Variants in MSH3 observed in about 807,000 individuals in gnomAD.
MSH3 encodes mutS homolog 3.
A neutral mutation model predicts 123.3 loss-of-function variants in MSH3; 106 were observed. The ratio of observed to expected loss-of-function variants is 0.86; its 90% CI spans 0.73 to 1.01. The LOEUF is 1.01. MSH3 is among the 50% of genes least tolerant of loss of function. MSH3 has a pLI of 0.00. For missense variants in MSH3, 1,459 were observed against 1,347.6 expected, an observed-to-expected ratio of 1.08 and a Z score of -1.29; for synonymous variants, 515 against 481.4, an observed-to-expected ratio of 1.07 and a Z score of -0.91.
At chr5:80,732,367 C>CT (rs561970138) in intron 10 of MSH3, among the ~76,000 whole-genome samples, 42 of 151,682 alleles carry the variant, frequency 2.8e-4, no homozygotes, top group Middle Eastern at 3.4e-3. Flanking sequence ...ACTGTAAAAC[C>CT]TTTTTTTTAA....
chr5:80,816,728 T>C (rs1365736426), intron 20 of MSH3, among the ~76,000 whole-genome samples: 2 of 152,182 alleles, frequency 1.3e-5, no homozygotes. Flanking sequence ...ATATTTGAAA[T>C]ATATTTGGGA....
chr5:80,729,968 CAAG>C (rs1743382382), intron 10 of MSH3, among the ~76,000 whole-genome samples: 1 of 152,052 alleles, frequency 6.6e-6, no homozygotes, highest in Non-Finnish European at 1.5e-5. Context: ...AACTAGGAAA[CAAG>C]GAGGTGGTGC....
At chr5:80,823,875 G>A (rs1193299472) in intron 20 of MSH3, among the ~76,000 whole-genome samples, 34 of 152,142 alleles carry the variant, frequency 2.2e-4, no homozygotes, top group Non-Finnish European at 1.5e-5. Context: ...CTGGGTACTT[G>A]AGATTAGGGA....
chr5:80,856,495 G>A (rs1267372231), intron 21 of MSH3, among the ~76,000 whole-genome samples: 1 of 134,988 alleles, frequency 7.4e-6, no homozygotes, highest in Non-Finnish European at 1.5e-5. Flanking sequence ...GGTGGGAGTT[G>A]AACAATGAGA....
chr5:80,682,624 G>A (rs748672070), intron 8 of MSH3, among the ~76,000 whole-genome samples: 54 of 152,044 alleles, frequency 3.6e-4, no homozygotes, highest in Non-Finnish European at 6.8e-4. Flanking sequence ...ATATATTTAT[G>A]GGTTACATGA....
chr5:80,808,259 C>T (rs1744933885), intron 19 of MSH3, among the ~76,000 whole-genome samples: 1 of 152,118 alleles, frequency 6.6e-6, no homozygotes, highest in African/African-American at 2.4e-5. Context: ...TTTGGTTTTC[C>T]TTGTGGACAG....
intron 10 of MSH3, among the ~76,000 whole-genome samples, chr5:80,734,172 T>C (rs757087622): frequency 1.3e-5 from 2 of 152,170 alleles, no homozygotes; most frequent in African/African-American, 2.4e-5. Context: ...CTTGAAAATA[T>C]TATGGTAGTT....
intron 18 of MSH3, among the ~76,000 whole-genome samples, chr5:80,788,967 C>G (rs1303866008): frequency 6.6e-6 from 1 of 152,030 alleles, no homozygotes; most frequent in Non-Finnish European, 1.5e-5. Context: ...CCTAGTGTAT[C>G]CTCCCAGCTC....
At chr5:80,712,235 A>C (rs2112845840) in intron 8 of MSH3, among the ~76,000 whole-genome samples, 1 of 152,306 alleles carries the variant, frequency 6.6e-6, no homozygotes, top group South Asian at 2.1e-4. Flanking sequence ...CTCCTGTATA[A>C]ATCCTGTAAT....
At chr5:80,871,832 C>A (rs1017770996) in intron 22 of MSH3, among the ~76,000 whole-genome samples, 1 of 152,070 alleles carries the variant, frequency 6.6e-6, no homozygotes, top group Admixed American at 6.5e-5. Flanking sequence ...GACACAAGCA[C>A]GTGAACACCA....
intron 8 of MSH3, among the ~76,000 whole-genome samples, chr5:80,708,023 T>A (rs1411043730): frequency 6.6e-6 from 1 of 152,242 alleles, no homozygotes; most frequent in Non-Finnish European, 1.5e-5. Flanking sequence ...AAGAATTCTT[T>A]ATACATTCTG....
chr5:80,723,851 T>A (rs975909377), intron 8 of MSH3, among the ~76,000 whole-genome samples: 2 of 152,162 alleles, frequency 1.3e-5, no homozygotes, highest in Non-Finnish European at 2.9e-5. Flanking sequence ...CAGCCTTGAC[T>A]CCCTGGGCTC....
At chr5:80,809,569 C>T (rs1239433992) in intron 19 of MSH3, among the ~76,000 whole-genome samples, 1 of 152,190 alleles carries the variant, frequency 6.6e-6, no homozygotes, top group Non-Finnish European at 1.5e-5. Flanking sequence ...TGGTCCCTCT[C>T]ATGTGCTTGT....
chr5:80,761,950 T>G (rs1024795124), intron 13 of MSH3, among the ~76,000 whole-genome samples: 13 of 152,114 alleles, frequency 8.5e-5, no homozygotes, highest in African/African-American at 2.9e-4. Context: ...TCCTGTTTCA[T>G]CCTGAAAGTA....
At chr5:80,793,164 T>C (rs1246689850) in intron 19 of MSH3, among the ~76,000 whole-genome samples, 1 of 152,230 alleles carries the variant, frequency 6.6e-6, no homozygotes, top group African/African-American at 2.4e-5. Context: ...CATGTTAGCA[T>C]GTAGTGTTCC....
intron 20 of MSH3, among the ~76,000 whole-genome samples, chr5:80,823,463 T>A (rs1434805192): frequency 6.6e-6 from 1 of 152,208 alleles, no homozygotes; most frequent in African/African-American, 2.4e-5. Context: ...CAGACCTTAC[T>A]TGTCCACAAA....
intron 15 of MSH3, among the ~76,000 whole-genome samples, chr5:80,773,865 T>G (rs1279490461): frequency 6.6e-6 from 1 of 152,162 alleles, no homozygotes; most frequent in Non-Finnish European, 1.5e-5. Context: ...CCTCCTGGAT[T>G]CAAGTGATTC....
intron 7 of MSH3, among the ~76,000 whole-genome samples, chr5:80,678,596 T>G (rs972722516): frequency 2.0e-5 from 3 of 152,212 alleles, no homozygotes; most frequent in Admixed American, 2.0e-4. Context: ...ATGAGAGAAG[T>G]AGGCTGGTTT....
chr5:80,774,430 A>G (rs1167637668), intron 15 of MSH3, among the ~76,000 whole-genome samples: 2 of 151,870 alleles, frequency 1.3e-5, no homozygotes, highest in East Asian at 3.9e-4. Flanking sequence ...AAATAGAGCT[A>G]CCATATGATC....
Sources: allele counts gnomAD v4.1 joint callset (sites outside exome capture counted in the v4.1 genomes callset), GRCh38; gene constraint gnomAD v4.1.1; transcripts MANE v1.5; gene names NCBI Gene and HGNC (gene_info 2026-07-23, HGNC 2026-07-21).